The following CCDC192 variants were observed in gnomAD, a reference collection of about 807,000 sequenced individuals.
CCDC192 encodes the protein coiled-coil domain-containing protein 192.
intron 2 of CCDC192, among the ~76,000 whole-genome samples, chr5:127,741,294 C>A (rs990581523): frequency 2.0e-5 from 3 of 152,102 alleles, no homozygotes; most frequent in African/African-American, 7.2e-5. Context: ...AACTCCTGGG[C>A]TCGAGAGATC....
At chr5:127,765,376 G>A (rs1755161780) in intron 3 of CCDC192, among the ~76,000 whole-genome samples, 1 of 152,092 alleles carries the variant, frequency 6.6e-6, no homozygotes, top group African/African-American at 2.4e-5. Context: ...TTTTGAAAGA[G>A]TTATTTTTAA....
chr5:127,814,933 A>C (rs984702752), intron 5 of CCDC192, among the ~76,000 whole-genome samples: 34 of 152,142 alleles, frequency 2.2e-4, no homozygotes, highest in Admixed American at 1.2e-3. Flanking sequence ...TTTTTTAATT[A>C]GTTTTCTCTG....
chr5:127,880,650 A>G (rs1340989441), intron 6 of CCDC192, among the ~76,000 whole-genome samples: 1 of 151,938 alleles, frequency 6.6e-6, no homozygotes, highest in African/African-American at 2.4e-5. Context: ...AAAAAACAAA[A>G]CATCTCCAAT....
At position 127,703,495 on chromosome 5, in the gene CCDC192, C is replaced by T; in HGVS notation, c.50C>T (p.Ser17Leu). ...TCTGTGGTCCCAGAGTCTGACACCT[C>T]AGAGAGAAGCAGGTGAGTTCCCAGC... ...KKSVVPESDT[S>L]ERSSMTSGSS... Residue 17 changes from serine to leucine, a missense_variant, in exon 1 of 7, where the codon TCA (serine) becomes TTA (leucine). Transcript: ENST00000514853. The T allele has an allele frequency of 2.5e-6, 1 of 398,910 alleles. No homozygotes were observed. Among genetic ancestry groups the T allele is most frequent in the East Asian group, 3.6e-5 (1 of 28,062 alleles). The allele number at this position is 398,910 out of a possible 1,614,324, so 24.7% of individuals were successfully genotyped here. A position where few individuals can be genotyped will look rare whatever the true frequency, so the allele number is the denominator to read the frequency against.
At chr5:127,798,783 G>A (rs996322196) in intron 5 of CCDC192, among the ~76,000 whole-genome samples, 1 of 151,418 alleles carries the variant, frequency 6.6e-6, no homozygotes, top group Non-Finnish European at 1.5e-5. Flanking sequence ...TTTTAGGCAA[G>A]TGACCATATA....
intron 5 of CCDC192, among the ~76,000 whole-genome samples, chr5:127,858,067 G>A (rs980129659): frequency 6.6e-6 from 1 of 152,142 alleles, no homozygotes; most frequent in African/African-American, 2.4e-5. Flanking sequence ...ATTTCACAAG[G>A]CTGTTGTTCG....
intron 6 of CCDC192, among the ~76,000 whole-genome samples, chr5:127,913,352 T>A (rs1753429000): frequency 6.6e-6 from 1 of 152,234 alleles, no homozygotes; most frequent in Non-Finnish European, 1.5e-5. Context: ...CAGATTACCA[T>A]CTGTGATAAA....
intron 5 of CCDC192, among the ~76,000 whole-genome samples, chr5:127,799,670 T>G (rs1410094597): frequency 6.6e-6 from 1 of 152,196 alleles, no homozygotes; most frequent in Non-Finnish European, 1.5e-5. Context: ...TAGTTCCTGG[T>G]GCCTTAGGGA....
intron 3 of CCDC192, among the ~76,000 whole-genome samples, chr5:127,788,903 C>T (rs952344360): frequency 3.9e-5 from 6 of 151,950 alleles, no homozygotes; most frequent in East Asian, 1.9e-4. Context: ...TAATTAAGGT[C>T]GTGAGGTTGG....
At chr5:127,787,502 G>T (rs1756614703) in intron 3 of CCDC192, among the ~76,000 whole-genome samples, 1 of 152,184 alleles carries the variant, frequency 6.6e-6, no homozygotes, top group Non-Finnish European at 1.5e-5. Context: ...GGTTGTTTAA[G>T]AGTGTGTTAT....
At chr5:127,896,057 T>C (rs1454957433) in intron 6 of CCDC192, among the ~76,000 whole-genome samples, 1 of 152,184 alleles carries the variant, frequency 6.6e-6, no homozygotes, top group Non-Finnish European at 1.5e-5. Flanking sequence ...GAAGAGATTC[T>C]GAATAAGTAT....
At chr5:127,755,406 C>T (rs977755322) in intron 3 of CCDC192, among the ~76,000 whole-genome samples, 2 of 151,912 alleles carry the variant, frequency 1.3e-5, no homozygotes, top group African/African-American at 4.8e-5. Context: ...ATTTCTTTTT[C>T]AGCTTACCAA....
At chr5:127,900,960 T>TA (rs1294744308) in intron 6 of CCDC192, among the ~76,000 whole-genome samples, 3 of 151,992 alleles carry the variant, frequency 2.0e-5, no homozygotes, top group Non-Finnish European at 2.9e-5. Context: ...ACCAATTTGA[T>TA]AAAAAAATTA....
At chr5:127,767,898 A>G (rs370274318) in intron 3 of CCDC192, among the ~76,000 whole-genome samples, 1 of 152,174 alleles carries the variant, frequency 6.6e-6, no homozygotes, top group Non-Finnish European at 1.5e-5. Context: ...TTGAAGTTCT[A>G]ACTCCCAGTA....
intron 5 of CCDC192, among the ~76,000 whole-genome samples, chr5:127,870,065 G>A (rs1206333068): frequency 4.6e-5 from 7 of 152,130 alleles, no homozygotes; most frequent in South Asian, 4.1e-4. Flanking sequence ...AAAAAGCTAC[G>A]TCTTGCACTT....
intron 6 of CCDC192, among the ~76,000 whole-genome samples, chr5:127,892,025 TTTTTTATCAGAGTACTATTGGG>T (rs1435734781): frequency 6.6e-6 from 1 of 152,232 alleles, no homozygotes; most frequent in Non-Finnish European, 1.5e-5. Flanking sequence ...GTACTGTCTT[TTTTTTATCAGAGTACTATTGGG>T]TTTTTATCAG....
intron 2 of CCDC192, among the ~76,000 whole-genome samples, chr5:127,718,039 A>T (rs1453354285): frequency 6.6e-6 from 1 of 152,100 alleles, no homozygotes; most frequent in Non-Finnish European, 1.5e-5. Context: ...AATAAGTGCT[A>T]TTTAACTTGA....
At chr5:127,859,678 T>A (rs575463383) in intron 5 of CCDC192, among the ~76,000 whole-genome samples, 4 of 152,334 alleles carry the variant, frequency 2.6e-5, no homozygotes, top group Non-Finnish European at 2.9e-5. Context: ...CTTCTTTTTC[T>A]CTGGAAAGCA....
intron 3 of CCDC192, 97 bp downstream of exon 3, chr5:127,754,472 TACACACACACACACACACACATACAC>T (rs137952226): frequency 0.018 from 5,885 of 327,160 alleles, 292 homozygotes; most frequent in African/African-American, 0.12. Context: ...CCTCTACTGA[TACACACACACACACACACACATACAC>T]ACACACACAC....
Sources: allele counts gnomAD v4.1 joint callset (sites outside exome capture counted in the v4.1 genomes callset), GRCh38; gene constraint gnomAD v4.1.1; transcripts MANE v1.5; gene names NCBI Gene and HGNC (gene_info 2026-07-23, HGNC 2026-07-21).